The following BICRA variants were observed in gnomAD, a reference collection of about 807,000 sequenced individuals.
The protein encoded by BICRA is BRD4 interacting chromatin remodeling complex associated protein, also known as BRD4-interacting chromatin-remodeling complex-associated protein.
Under a neutral mutation model 96.9 loss-of-function variants are expected in BICRA, and 31 were observed. That is an observed-to-expected ratio of 0.32 (90% CI 0.24 to 0.43). BICRA has a LOEUF of 0.43. BICRA is among the 20% of genes least tolerant of loss of function. BICRA has a pLI of 1.00. For synonymous variants in BICRA, 1,350 were observed against 1,071.8 expected (o/e 1.26, Z -5.07); for missense variants, 2,283 against 2,190.3 (o/e 1.04, Z -0.84).
At chr19:47,609,053 T>A (rs1971852811), upstream of BICRA, 1 of 146,200 alleles carries the variant, frequency 6.8e-6, no homozygotes, top group South Asian at 2.0e-4. Context: ...GCGGCCGCCA[T>A]GCGATCAGGC....
intron 2 of BICRA, among the ~76,000 whole-genome samples, chr19:47,671,973 G>GA (rs1972870589): frequency 9.3e-6 from 1 of 107,400 alleles, no homozygotes; most frequent in Admixed American, 1.0e-4. Context: ...GGATGGAGGG[G>GA]TGGGTGGGTA....
chr19:47,694,680 T>C lies in BICRA; in HGVS notation c.2849T>C (p.Phe950Ser). The C allele has an allele frequency of 6.3e-7, 1 of 1,580,580 alleles. No homozygotes were observed. The highest frequency in any genetic ancestry group is 8.6e-7 in the Non-Finnish European group (1 of 1,157,804). Reference protein sequence around the residue: ...PRTFQMVTTPFPALPQPKALL... With the variant: ...PRTFQMVTTPSPALPQPKALL... ...ACCTTCCAGATGGTGACCACCCCCT[T>C]CCCAGCGCTGCCCCAGCCGAAGGCT... Residue 950 changes from phenylalanine (F) to serine (S), a missense_variant, in exon 8 of 15, where the codon TTC (phenylalanine) becomes TCC (serine). Coordinates refer to ENST00000594866, the MANE Select transcript of BICRA (RefSeq NM_001394372.1).
chr19:47,679,451 G>T lies in BICRA; in HGVS notation c.281G>T (p.Ser94Ile), dbSNP rs1253770735. The T allele has an allele frequency of 6.6e-7, 1 of 1,510,512 alleles. No homozygotes were observed. The highest frequency in any genetic ancestry group is 1.4e-5 in the African/African-American group (1 of 70,736). The allele number at this position is 1,510,512 out of a possible 1,614,324, so 93.6% of individuals were successfully genotyped here. Reference protein sequence around the residue: ...SPATGGGGGGSGGADQPCDIL... With the variant: ...SPATGGGGGGIGGADQPCDIL... ...GCGACAGGGGGCGGCGGCGGGGGCA[G>T]TGGGGGCGCTGACCAGCCCTGTGAC... Residue 94 changes from serine to isoleucine, a missense_variant, in exon 6 of 15, where the codon AGT becomes ATT. Coordinates refer to ENST00000594866, the MANE Select transcript of BICRA (RefSeq NM_001394372.1).
chr19:47,637,826 T>C (rs1972323004), intron 1 of BICRA, among the ~76,000 whole-genome samples: 1 of 152,212 alleles, frequency 6.6e-6, no homozygotes. Flanking sequence ...TGTCTTTCTC[T>C]CTGCGTCATG....
At position 47,694,310 on chromosome 19, in the gene BICRA, G is replaced by GCCCCCCCCCC; in HGVS notation, c.2486_2487insCCCCCCCCCC (p.Thr830ProfsTer44). 3.4e-6 allele frequency: 3 copies of GCCCCCCCCCC among 879,250 alleles called. No homozygotes were observed. The highest frequency in any genetic ancestry group is 3.3e-6 in the Non-Finnish European group (2 of 608,738). 54.5% of individuals were successfully genotyped at this position (879,250 alleles called of 1,614,324 possible). A position where few individuals can be genotyped will look rare whatever the true frequency, so the allele number is the denominator to read the frequency against. ...CTTGCACCCTTGCCCCCCACCCCAGGCCCCCCCAACTCTGCCTGGCATCTT... is the reference window on the plus strand; with the variant it reads ...CTTGCACCCTTGCCCCCCACCCCAGGCCCCCCCCCCCCCCCCCAACTCTGCCTGGCATCTT... On this transcript the variant is annotated frameshift_variant, in exon 8 of 15. Transcript: ENST00000594866. LOFTEE classifies it high-confidence loss of function.
At chr19:47,696,808 C>A (rs936826106) in intron 11 of BICRA, among the ~76,000 whole-genome samples, 9 of 151,998 alleles carry the variant, frequency 5.9e-5, no homozygotes, top group Admixed American at 1.3e-4. Context: ...CACGGCTGGG[C>A]CGCGTCGGTG....
In BICRA at chr19:47,699,076, CT is replaced by C; in HGVS notation, c.3492+19del. 1 of 1,478,622 alleles carries C rather than the reference CT, an allele frequency of 6.8e-7. No homozygotes were observed. Among genetic ancestry groups the C allele is most frequent in the Non-Finnish European group, 9.3e-7 (1 of 1,081,008 alleles). 91.6% of individuals were successfully genotyped at this position (1,478,622 alleles called of 1,614,324 possible). A position where few individuals can be genotyped will look rare whatever the true frequency, so the allele number is the denominator to read the frequency against. ...GAGTCCCGGGTAGGGTCAGAGTCGC[CT>C]TCCTCGCCTCTGGGCTCCTCCTCGC... On this transcript the variant is annotated intron_variant, in intron 13 of 14. Coordinates refer to ENST00000594866, the MANE Select transcript of BICRA (RefSeq NM_001394372.1). This position sits in a 1 kb window ranked among gnomAD's most constrained non-coding sequence, Gnocchi z 5.0.
intron 7 of BICRA, 59 bp downstream of exon 7, chr19:47,682,211 C>T (rs1222048255): frequency 1.3e-5 from 9 of 695,080 alleles, no homozygotes; most frequent in South Asian, 5.5e-5. Flanking sequence ...CCCTCCTGCC[C>T]GCTCTCCCGC....
chr19:47,646,147 C>T (rs930258300), intron 1 of BICRA, among the ~76,000 whole-genome samples: 1 of 151,894 alleles, frequency 6.6e-6, no homozygotes, highest in Non-Finnish European at 1.5e-5. Flanking sequence ...GGCAGGGGGG[C>T]GTCAGCCAGG....
In BICRA at chr19:47,699,272, C is replaced by A; in HGVS notation, c.3493-31C>A. 1.6e-6 allele frequency: 2 copies of A among 1,286,410 alleles called. No individual in the cohort carries two copies. Among genetic ancestry groups the A allele is most frequent in the Non-Finnish European group, 2.2e-6 (2 of 904,512 alleles). The allele number at this position is 1,286,410 out of a possible 1,614,324, so 79.7% of individuals were successfully genotyped here. On this transcript the variant is annotated intron_variant, in intron 13 of 14. Transcript: ENST00000594866. The surrounding 1 kb of genome is among the most constrained non-coding windows in gnomAD (Gnocchi z 5.0). ...CGCCCCTTCCCCCTTCTTGCTGGTT[C>A]ACTCGCACGTCGTCTTTTCCCCCAC... is the stretch of plus-strand genomic sequence containing the variant.
At chr19:47,621,936 C>T (rs959700592) in intron 1 of BICRA, among the ~76,000 whole-genome samples, 2 of 151,958 alleles carry the variant, frequency 1.3e-5, no homozygotes, top group Non-Finnish European at 2.9e-5. Flanking sequence ...GTGTTACAGG[C>T]GTGCACCACC....
chr19:47,685,782 T>TGC lies in BICRA; in HGVS notation c.2283+3631_2283+3632insCG, dbSNP rs1204894941. 8.7e-3 allele frequency among the ~76,000 whole-genome samples: 1,081 copies of TGC among 124,892 alleles called. 13 individuals carry two copies. The highest frequency in any genetic ancestry group is 0.032 in the African/African-American group (904 of 28,592). The allele number at this position is 124,892 out of a possible 152,430, so 81.9% of individuals were successfully genotyped here. A position where few individuals can be genotyped will look rare whatever the true frequency, so the allele number is the denominator to read the frequency against. Reference sequence around the variant, plus strand: ...GTGTGTGTGTGTGTGTGTGTGTGTGTGTGTGCGCGCGCGCGCGCATGCGTA... The same window carrying TGC: ...GTGTGTGTGTGTGTGTGTGTGTGTGTGCGTGTGCGCGCGCGCGCGCATGCGTA... On this transcript the variant is annotated intron_variant, in intron 7 of 14. Coordinates refer to ENST00000594866, the MANE Select transcript of BICRA (RefSeq NM_001394372.1).
In BICRA at chr19:47,701,915, G is replaced by A. The variant is rs1049587054; in HGVS notation, c.4183G>A (p.Val1395Met). The A allele has an allele frequency of 2.1e-6, 3 of 1,437,220 alleles. No individual in the cohort carries two copies. Among genetic ancestry groups the A allele is most frequent in the South Asian group, 1.4e-5 (1 of 72,902 alleles). 89.0% of individuals were successfully genotyped at this position (1,437,220 alleles called of 1,614,324 possible). Reference sequence around the variant, plus strand: ...ACTGCGCAAGACCTACCGCGAGAACGTGGGGGGCCCTGGCGCGCCGGAGGG... The same window carrying A: ...ACTGCGCAAGACCTACCGCGAGAACATGGGGGGCCCTGGCGCGCCGGAGGG... ...LPLRKTYRENVGGPGAPEGTP... is the reference protein window; with the variant it reads ...LPLRKTYRENMGGPGAPEGTP... Residue 1395 changes from valine (V) to methionine (M), a missense_variant, in exon 15 of 15, where the codon GTG becomes ATG. By Grantham distance (21) the Val-to-Met change is conservative. Transcript: ENST00000594866. This position sits in a 1 kb window ranked among gnomAD's most constrained non-coding sequence, Gnocchi z 5.4.
At chr19:47,664,758 C>T (rs963092054) in intron 1 of BICRA, among the ~76,000 whole-genome samples, 5 of 152,156 alleles carry the variant, frequency 3.3e-5, no homozygotes, top group African/African-American at 9.7e-5. Context: ...TGTGTGTGCC[C>T]GTGGGGGGTT....
chr19:47,667,414 C>A (rs185643640), intron 1 of BICRA, among the ~76,000 whole-genome samples: 5 of 152,302 alleles, frequency 3.3e-5, no homozygotes, highest in Admixed American at 2.6e-4. Flanking sequence ...ACCCTCGGGA[C>A]TGGTTTGCAG....
In BICRA at chr19:47,680,205, T is replaced by C. The variant is rs1392725272; in HGVS notation, c.1035T>C (p.His345=). The C allele has an allele frequency of 6.4e-7, 1 of 1,553,722 alleles. No individual in the cohort carries two copies. ...PLVPAPNVIL[H]RTPTPIQPKP... ...TCCCGGCGCCCAACGTGATCCTGCA[T>C]CGCACACCCACGCCCATCCAGCCCA... The change falls in exon 6 of 15, where the codon CAT becomes CAC. Residue 345 remains histidine, a synonymous_variant. Coordinates refer to ENST00000594866, the MANE Select transcript of BICRA (RefSeq NM_001394372.1).
chr19:47,656,205 G>A (rs2123555320), intron 1 of BICRA, among the ~76,000 whole-genome samples: 1 of 152,078 alleles, frequency 6.6e-6, no homozygotes, highest in South Asian at 2.1e-4. Context: ...GCTGCCATGA[G>A]TTCTTTTCAC....
chr19:47,652,837 T>TA (rs1301673617), intron 1 of BICRA, among the ~76,000 whole-genome samples: 4 of 152,190 alleles, frequency 2.6e-5, no homozygotes, highest in Admixed American at 1.3e-4. Flanking sequence ...TAGTGTCATA[T>TA]ACACCCTTCC....
chr19:47,665,920 A>G (rs954740698), intron 1 of BICRA, among the ~76,000 whole-genome samples: 4 of 152,226 alleles, frequency 2.6e-5, no homozygotes, highest in African/African-American at 9.6e-5. Context: ...ACAGCACCAA[A>G]GTGGGGCCGG....
Sources: gnomAD v4.1 joint callset for allele counts (sites outside exome capture counted in the v4.1 genomes callset) on GRCh38, gnomAD v4.1.1 for gene constraint, Gnocchi (gnomAD v3.1) non-coding constraint, MANE v1.5 for transcripts, NCBI Gene and HGNC (gene_info 2026-07-23, HGNC 2026-07-21) for gene names.